The following CEP162 variants were observed in gnomAD, a reference collection of about 807,000 sequenced individuals.
The protein encoded by CEP162 is centrosomal protein 162.
A neutral mutation model predicts 169.2 loss-of-function variants in CEP162; 141 were observed. That is an observed-to-expected ratio of 0.83 (90% CI 0.73 to 0.96). The LOEUF (loss-of-function observed/expected upper bound fraction) is 0.96. CEP162 is among the 40% of genes least tolerant of loss of function. CEP162 has a pLI of 0.00. For synonymous variants in CEP162, 540 were observed against 526.4 expected, an observed-to-expected ratio of 1.03 and a Z score of -0.35; for missense variants, 1,600 against 1,587.2, an observed-to-expected ratio of 1.01 and a Z score of -0.14.
At chr6:84,159,984 T>TATAAA (rs2099525111) in intron 21 of CEP162, among the ~76,000 whole-genome samples, 2 of 152,216 alleles carry the variant, frequency 1.3e-5, no homozygotes, top group Non-Finnish European at 2.9e-5. Flanking sequence ...CTTGTAAAAG[T>TATAAA]AATAAAGTTA....
In CEP162 at chr6:84,125,015, AATCCC is replaced by A. The variant is rs2099508334; in HGVS notation, c.*50_*54del. 7.6e-7 allele frequency: 1 copy of A among 1,319,108 alleles called. No homozygotes were observed. Among genetic ancestry groups the A allele is most frequent in the African/African-American group, 1.4e-5 (1 of 69,044 alleles). 81.7% of individuals were successfully genotyped at this position (1,319,108 alleles called of 1,614,324 possible). A position where few individuals can be genotyped will look rare whatever the true frequency, so the allele number is the denominator to read the frequency against. ...TCATAAGCTGTCCTGACAGTGGCAC[AATCCC>A]ATCCATCTTCAGGCCTTTTAATAAG... On this transcript the variant is annotated 3_prime_UTR_variant, in exon 27 of 27. Coordinates refer to ENST00000403245, the MANE Select transcript of CEP162 (RefSeq NM_014895.4).
intron 9 of CEP162, among the ~76,000 whole-genome samples, chr6:84,197,135 C>A (rs1432460047): frequency 6.6e-6 from 1 of 151,716 alleles, no homozygotes; most frequent in African/African-American, 2.4e-5. Flanking sequence ...GTATCAAATG[C>A]TCATACCTAA....
chr6:84,188,354 C>G (rs2099538144), intron 11 of CEP162, among the ~76,000 whole-genome samples: 1 of 151,950 alleles, frequency 6.6e-6, no homozygotes. Context: ...GCATAGTACC[C>G]AATAGGTAGT....
intron 25 of CEP162, 136 bp downstream of exon 25, chr6:84,146,551 G>A (rs866464844): frequency 2.6e-5 from 12 of 464,494 alleles, no homozygotes; most frequent in African/African-American, 1.6e-4. Flanking sequence ...ACATAAGCAC[G>A]CTGCTAATAT....
chr6:84,145,061 C>T (rs1197667704), intron 25 of CEP162, among the ~76,000 whole-genome samples: 3 of 152,108 alleles, frequency 2.0e-5, no homozygotes, highest in Non-Finnish European at 2.9e-5. Context: ...CAGATATAAT[C>T]GGACAACTTA....
At chr6:84,224,576 C>T (rs551230825) in intron 2 of CEP162, among the ~76,000 whole-genome samples, 2 of 152,250 alleles carry the variant, frequency 1.3e-5, no homozygotes, top group Admixed American at 1.3e-4. Context: ...CTGGTTACCA[C>T]TACTGTCCTA....
Position 84,174,853 on chromosome 6 carries a change from A to C in CEP162, c.1899T>G (p.Ile633Met). Residue 633 changes from isoleucine to methionine, a missense_variant, in exon 15 of 27, where the codon ATT (isoleucine) becomes ATG (methionine). Transcript: ENST00000403245. ...EDKWRGAQAL[I>M]EQIKATFSEK... ...CTGAGAATGTGGCTTTAATTTGCTC[A>C]ATTAGGGCTTGCGCACCCCTCCATT... is the stretch of plus-strand genomic sequence containing the variant. 1 of 1,526,802 alleles carries C rather than the reference A, an allele frequency of 6.5e-7. No homozygotes were observed. The highest frequency in any genetic ancestry group is 1.2e-5 in the South Asian group (1 of 82,986). The allele number at this position is 1,526,802 out of a possible 1,614,324, so 94.6% of individuals were successfully genotyped here.
chr6:84,175,166 A>G, intron 14 of CEP162, 48 bp downstream of exon 14: 2 of 1,269,116 alleles, frequency 1.6e-6, no homozygotes, highest in Non-Finnish European at 1.1e-6. Flanking sequence ...TAGTTTTAAT[A>G]TAATTTTAGA....
At chr6:84,139,294 C>T (rs1030024350) in intron 25 of CEP162, among the ~76,000 whole-genome samples, 1 of 152,116 alleles carries the variant, frequency 6.6e-6, no homozygotes, top group South Asian at 2.1e-4. Context: ...AGCCTAAAAA[C>T]GACTTTCCTC....
chr6:84,149,236 C>T (rs1028170887), intron 24 of CEP162, among the ~76,000 whole-genome samples: 1 of 151,948 alleles, frequency 6.6e-6, no homozygotes, highest in East Asian at 1.9e-4. Flanking sequence ...GTACTAGGGT[C>T]CTAATCATGT....
At position 84,141,153 on chromosome 6, in the gene CEP162, A is replaced by G. The variant is rs113024849; in HGVS notation, c.3870+5534T>C. Among the ~76,000 whole-genome samples the G allele has an allele frequency of 6.6e-3, 1,005 of 152,264 alleles. 7 individuals carry two copies. The highest frequency in any genetic ancestry group is 0.023 in the African/African-American group (956 of 41,554). ...GAGGCCTGGTTCCTAACAGGCCATGAACTGGTACTGGTTTGTGGCCCAGGG... is the reference window on the plus strand; with the variant it reads ...GAGGCCTGGTTCCTAACAGGCCATGGACTGGTACTGGTTTGTGGCCCAGGG... On this transcript the variant is annotated intron_variant, in intron 25 of 26. Transcript: ENST00000403245.
At chr6:84,142,268 C>A (rs1233373976) in intron 25 of CEP162, among the ~76,000 whole-genome samples, 1 of 152,146 alleles carries the variant, frequency 6.6e-6, no homozygotes, top group African/African-American at 2.4e-5. Flanking sequence ...ATTCTATCTG[C>A]CAAATACACA....
Position 84,201,717 on chromosome 6 carries a change from T to A in CEP162, c.718+20A>T, listed in dbSNP as rs2099544594. ...GACTAATTTTTTGCCAACTAAAACA[T>A]GAATATAAATAATATTTACCATTAG... On this transcript the variant is annotated intron_variant, in intron 8 of 26. Transcript: ENST00000403245. 7 of 1,232,918 alleles carry A rather than the reference T, an allele frequency of 5.7e-6. No homozygotes were observed. Among genetic ancestry groups the A allele is most frequent in the Non-Finnish European group, 8.0e-6 (7 of 877,238 alleles). 76.4% of individuals were successfully genotyped at this position (1,232,918 alleles called of 1,614,324 possible).
intron 11 of CEP162, among the ~76,000 whole-genome samples, chr6:84,188,417 G>C (rs1455537468): frequency 6.6e-6 from 1 of 152,052 alleles, no homozygotes; most frequent in East Asian, 1.9e-4. Flanking sequence ...AGTGTCTGTT[G>C]TTCTCATCTC....
intron 13 of CEP162, among the ~76,000 whole-genome samples, chr6:84,178,114 T>C (rs1480792414): frequency 6.6e-6 from 1 of 151,992 alleles, no homozygotes; most frequent in Admixed American, 6.6e-5. Context: ...CTGCCAAACT[T>C]TTTATTACAT....
At chr6:84,133,913 G>GA (rs1176067148) in intron 25 of CEP162, among the ~76,000 whole-genome samples, 2 of 152,186 alleles carry the variant, frequency 1.3e-5, no homozygotes, top group Non-Finnish European at 2.9e-5. Context: ...TCAGTTGGAA[G>GA]TTCAGAAATC....
chr6:84,185,778 C>G (rs1462378950), intron 12 of CEP162, among the ~76,000 whole-genome samples: 1 of 152,104 alleles, frequency 6.6e-6, no homozygotes, highest in Non-Finnish European at 1.5e-5. Context: ...CTGAACTTCT[C>G]AAGATGCTTT....
intron 3 of CEP162, chr6:84,219,084 T>C: frequency 1.1e-6 from 1 of 883,138 alleles, no homozygotes; most frequent in Non-Finnish European, 1.6e-6. Flanking sequence ...AGCCGCTCAC[T>C]GTTAATGTTT....
chr6:84,192,279 A>G (rs528953077), intron 11 of CEP162, among the ~76,000 whole-genome samples: 26 of 152,360 alleles, frequency 1.7e-4, no homozygotes, highest in African/African-American at 6.3e-4. Flanking sequence ...TTACTGTTAT[A>G]CCTTCAAAAT....
Sources: allele counts gnomAD v4.1 joint callset (sites outside exome capture counted in the v4.1 genomes callset), GRCh38; gene constraint gnomAD v4.1.1; transcripts MANE v1.5; gene names NCBI Gene and HGNC (gene_info 2026-07-23, HGNC 2026-07-21).